Variants in PTGFRN observed in about 807,000 individuals in gnomAD.
The protein encoded by PTGFRN is prostaglandin F2 receptor negative regulator.
A neutral mutation model predicts 83.2 loss-of-function variants in PTGFRN; 35 were observed. The observed-to-expected ratio is 0.42, with a 90% CI of 0.32 to 0.56. The LOEUF (loss-of-function observed/expected upper bound fraction) is 0.56, where lower values mean the gene tolerates loss of function less well. Ranked by LOEUF, PTGFRN falls within the 20% of genes least tolerant of loss-of-function variation. The probability of loss-of-function intolerance (pLI) is 0.11; values close to 1 mark genes in which losing one functional copy is unlikely to be tolerated. For synonymous variants in PTGFRN, 519 were observed against 498.6 expected, an observed-to-expected ratio of 1.04 and a Z score of -0.55; for missense variants, 1,051 against 1,179.5, an observed-to-expected ratio of 0.89 and a Z score of 1.60.
At chr1:116,969,613 G>A (rs564302750) in intron 6 of PTGFRN, among the ~76,000 whole-genome samples, 8 of 152,226 alleles carry the variant, frequency 5.3e-5, no homozygotes, top group Admixed American at 3.3e-4. Context: ...TTTAGGATCC[G>A]CCTGTTAATT....
At position 116,961,545 on chromosome 1, in the gene PTGFRN, A is replaced by G. The variant is rs1304777885; in HGVS notation, c.1516A>G (p.Thr506Ala). The G allele has an allele frequency of 5.0e-6, 8 of 1,614,106 alleles. No homozygotes were observed. In the South Asian group the frequency reaches 5.5e-5, roughly 11 times the overall value. Residue 506 changes from threonine (T) to alanine (A), a missense_variant, in exon 5 of 9, where the codon ACA (threonine) becomes GCA (alanine). Physicochemically the swap from Thr to Ala is moderately conservative, Grantham distance 58. Around this residue, in one of 3 missense-constraint regions of PTGFRN, gnomAD observed 719 missense variants for 836.6 expected, o/e 0.86. Coordinates refer to ENST00000393203, the MANE Select transcript of PTGFRN (RefSeq NM_020440.4). The surrounding 1 kb of genome is among the most constrained non-coding windows in gnomAD (Gnocchi z 5.4). The part of the protein sequence containing the change: ...DTFNFRIQRT[T>A]EEDRGNYYCV... ...GTTCAATTTCCGGATCCAAAGGACT[A>G]CAGAGGAAGACAGAGGCAATTATTA...
chr1:116,966,787 T>C, intron 5 of PTGFRN, 124 bp from the exon 6 acceptor site: 1 of 1,027,858 alleles, frequency 9.7e-7, no homozygotes. Flanking sequence ...TTCCAGATTT[T>C]CGTAGGTGCT....
rs918224109 is a variant in PTGFRN, at chr1:116,918,789, A to G, written c.49+8537A>G. Among the ~76,000 whole-genome samples the G allele has an allele frequency of 5.3e-5, 8 of 152,184 alleles. No homozygotes were observed. In the East Asian group the frequency reaches 1.5e-3, roughly 29 times the overall value. On this transcript the variant is annotated intron_variant, in intron 1 of 8. Coordinates refer to ENST00000393203, the MANE Select transcript of PTGFRN (RefSeq NM_020440.4). The surrounding 1 kb of genome is among the most constrained non-coding windows in gnomAD (Gnocchi z 4.1). ...TTTATCCCACCAAGTTTGGCAGCCT[A>G]GGAGGGACAGCATCATGTGGTCTCT...
At position 116,961,785 on chromosome 1, in the gene PTGFRN, T is replaced by C; in HGVS notation, c.1639+117T>C. On this transcript the variant is annotated intron_variant, in intron 5 of 8. Coordinates refer to ENST00000393203, the MANE Select transcript of PTGFRN (RefSeq NM_020440.4). This position sits in a 1 kb window ranked among gnomAD's most constrained non-coding sequence, Gnocchi z 5.4. ...TCACTTACACTAGGAATGTGTGTCC[T>C]GGACATTGATCGCCATGCGACCCGT... The C allele has an allele frequency of 9.8e-7, 1 of 1,024,768 alleles. No individual in the cohort carries two copies. Among genetic ancestry groups the C allele is most frequent in the Admixed American group, 2.8e-5 (1 of 36,012 alleles). 63.5% of individuals were successfully genotyped at this position (1,024,768 alleles called of 1,614,324 possible).
Position 116,942,055 on chromosome 1 carries a change from A to G in PTGFRN, c.390A>G (p.Gly130=). 1 of 1,614,056 alleles carries G rather than the reference A, an allele frequency of 6.2e-7. No homozygotes were observed. Among genetic ancestry groups the G allele is most frequent in the South Asian group, 1.1e-5 (1 of 91,072 alleles). ...CCAGCACAGATGCCACTGTCCAGGG[A>G]AACTATGAGGACACAGTGCAGGTTA... ...STPSTDATVQ[G]NYEDTVQVKV... Residue 130 remains glycine, a synonymous_variant, in exon 2 of 9, where the codon GGA becomes GGG. Coordinates refer to ENST00000393203, the MANE Select transcript of PTGFRN (RefSeq NM_020440.4).
rs2251092 is a variant in PTGFRN at position 116,918,121 on chromosome 1, A to G, written c.49+7869A>G. Among the ~76,000 whole-genome samples, 7,864 of 152,262 alleles carry G rather than the reference A, an allele frequency of 0.052. 622 individuals are homozygous for G. Among genetic ancestry groups the G allele is most frequent in the African/African-American group, 0.18 (7,363 of 41,510 alleles). On this transcript the variant is annotated intron_variant, in intron 1 of 8. Transcript: ENST00000393203. This position sits in a 1 kb window ranked among gnomAD's most constrained non-coding sequence, Gnocchi z 4.1. ...AGCTAAGAAGATTTTAATAGTTTGT[A>G]TTACAAATAAACCATTACATGTGTG...
chr1:116,980,446 G>A (rs1201167258), intron 7 of PTGFRN, among the ~76,000 whole-genome samples: 3 of 152,162 alleles, frequency 2.0e-5, no homozygotes, highest in Non-Finnish European at 4.4e-5. Flanking sequence ...AGCAGACTTG[G>A]AACCAACCCA....
rs546251588 is a variant in PTGFRN at position 116,923,943 on chromosome 1, C to T, written c.49+13691C>T. Among the ~76,000 whole-genome samples, 5 of 152,116 alleles carry T rather than the reference C, an allele frequency of 3.3e-5. No individual in the cohort carries two copies. In the East Asian group the frequency reaches 9.7e-4, roughly 29 times the overall value. On this transcript the variant is annotated intron_variant, in intron 1 of 8. Transcript: ENST00000393203. The surrounding 1 kb of genome is among the most constrained non-coding windows in gnomAD (Gnocchi z 4.0). ...CAACCAGTCTAAATGTGGAGGATGA[C>T]ACACACACAGGAAGAGAGGTGGCAT...
rs1651594320 is a variant in PTGFRN at position 116,988,613 on chromosome 1, T to C, written c.*1646T>C. 1.3e-5 allele frequency: 2 copies of C among 152,848 alleles called. No homozygotes were observed. Among genetic ancestry groups the C allele is most frequent in the Non-Finnish European group, 2.9e-5 (2 of 68,140 alleles). 9.5% of individuals were successfully genotyped at this position (152,848 alleles called of 1,614,324 possible). On this transcript the variant is annotated 3_prime_UTR_variant, in exon 9 of 9. Coordinates refer to ENST00000393203, the MANE Select transcript of PTGFRN (RefSeq NM_020440.4). ...ACTAATACAAAATGATGGCCATTCA[T>C]GTGCAGCTCTTTGTCACCATGGGCC...
At chr1:116,960,210 A>G (rs1481287735) in intron 4 of PTGFRN, among the ~76,000 whole-genome samples, 1 of 152,166 alleles carries the variant, frequency 6.6e-6, no homozygotes, top group East Asian at 1.9e-4. Context: ...ACATTGAAGA[A>G]TAAGTGGAAG....
rs1468678837 is a variant in PTGFRN at position 116,918,748 on chromosome 1, G to A, written c.49+8496G>A. ...GCATAGGTCTGTAGTAAAGGCAGTGGGCCTAGTTTCGTGGCTTTATCCCAC... is the reference window on the plus strand; with the variant it reads ...GCATAGGTCTGTAGTAAAGGCAGTGAGCCTAGTTTCGTGGCTTTATCCCAC... On this transcript the variant is annotated intron_variant, in intron 1 of 8. Transcript: ENST00000393203. The surrounding 1 kb of genome is among the most constrained non-coding windows in gnomAD (Gnocchi z 4.1). 6.6e-6 allele frequency among the ~76,000 whole-genome samples: 1 copy of A among 152,166 alleles called. No individual in the cohort carries two copies. The highest frequency in any genetic ancestry group is 2.4e-5 in the African/African-American group (1 of 41,424).
chr1:116,976,779 G>A (rs1651168384), intron 7 of PTGFRN, among the ~76,000 whole-genome samples: 1 of 152,312 alleles, frequency 6.6e-6, no homozygotes, highest in East Asian at 1.9e-4. Flanking sequence ...ATGCCAAATT[G>A]TAAAGACCAT....
intron 7 of PTGFRN, among the ~76,000 whole-genome samples, chr1:116,977,213 A>G (rs1196026550): frequency 1.3e-5 from 2 of 152,202 alleles, no homozygotes; most frequent in Admixed American, 1.3e-4. Flanking sequence ...GAGCACCTAG[A>G]TTCATAAAAC....
intron 7 of PTGFRN, among the ~76,000 whole-genome samples, chr1:116,983,712 G>A (rs1386869643): frequency 6.6e-6 from 1 of 152,052 alleles, no homozygotes; most frequent in African/African-American, 2.4e-5. Flanking sequence ...GGCTATTAGT[G>A]TATTTTTACT....
chr1:116,928,756 T>C (rs1375936882), intron 1 of PTGFRN, among the ~76,000 whole-genome samples: 1 of 152,188 alleles, frequency 6.6e-6, no homozygotes, highest in Non-Finnish European at 1.5e-5. Context: ...ACTGAGACAA[T>C]AGAGACCAAA....
intron 5 of PTGFRN, among the ~76,000 whole-genome samples, chr1:116,964,361 C>T (rs1228139547): frequency 6.6e-6 from 1 of 152,168 alleles, no homozygotes; most frequent in African/African-American, 2.4e-5. Flanking sequence ...GTGATTCCCT[C>T]CTCCTGGGAA....
In PTGFRN at chr1:116,952,050, TA is replaced by T. The variant is rs1421725304; in HGVS notation, c.1213+2482del. 6.6e-6 allele frequency among the ~76,000 whole-genome samples: 1 copy of T among 152,214 alleles called. No homozygotes were observed. The highest frequency in any genetic ancestry group is 1.5e-5 in the Non-Finnish European group (1 of 68,038). ...CGAGAGAGTTGGTTTGCTACACAGG[TA>T]AAATGCAAAACTCAGTTTTGCCACT... On this transcript the variant is annotated intron_variant, in intron 4 of 8. Transcript: ENST00000393203. This position sits in a 1 kb window ranked among gnomAD's most constrained non-coding sequence, Gnocchi z 4.0.
chr1:116,953,683 G>A (rs777665925), intron 4 of PTGFRN, among the ~76,000 whole-genome samples: 1 of 151,836 alleles, frequency 6.6e-6, no homozygotes, highest in Non-Finnish European at 1.5e-5. Flanking sequence ...CCAGCATAGA[G>A]GAATTAGGAA....
Position 116,961,720 on chromosome 1 carries a change from T to G in PTGFRN, c.1639+52T>G, listed in dbSNP as rs1650670816. 2.6e-6 allele frequency: 4 copies of G among 1,516,000 alleles called. No homozygotes were observed. The highest frequency in any genetic ancestry group is 3.6e-6 in the Non-Finnish European group (4 of 1,119,266). The allele number at this position is 1,516,000 out of a possible 1,614,324, so 93.9% of individuals were successfully genotyped here. A position where few individuals can be genotyped will look rare whatever the true frequency, so the allele number is the denominator to read the frequency against. On this transcript the variant is annotated intron_variant, in intron 5 of 8. Transcript: ENST00000393203. The surrounding 1 kb of genome is among the most constrained non-coding windows in gnomAD (Gnocchi z 5.4). ...TTTTGTTTTGTCTTTGCTTAAGTCG[T>G]GCCGCTGTGTGTTGATGCACAGTCA...
Sources: gnomAD v4.1 joint callset for allele counts (sites outside exome capture counted in the v4.1 genomes callset) on GRCh38, gnomAD v4.1.1 for gene constraint, gnomAD v4.1.1 regional missense constraint, Gnocchi (gnomAD v3.1) non-coding constraint, MANE v1.5 for transcripts, NCBI Gene and HGNC (gene_info 2026-07-23, HGNC 2026-07-21) for gene names.